PLCL2: variants seen among roughly 807,000 people sequenced by gnomAD.
PLCL2 encodes inactive phospholipase C-like protein 2.
In PLCL2, 4 loss-of-function variants were observed where a neutral mutation model predicts 79.6. The observed-to-expected ratio is 0.05, with a 90% CI of 0.02 to 0.11. The LOEUF (loss-of-function observed/expected upper bound fraction) is 0.11. PLCL2 is among the 10% of genes least tolerant of loss of function. The pLI is 1.00. For synonymous variants in PLCL2, 484 were observed against 457.7 expected (o/e 1.06, Z -0.73); for missense variants, 895 against 1,291.0 (o/e 0.69, Z 4.70).
At chr3:17,046,692 A>C (rs1243267635) in intron 4 of PLCL2, among the ~76,000 whole-genome samples, 1 of 152,212 alleles carries the variant, frequency 6.6e-6, no homozygotes, top group East Asian at 1.9e-4. Flanking sequence ...CGGGAGCAAC[A>C]AAATTCTAGA....
intron 1 of PLCL2, among the ~76,000 whole-genome samples, chr3:16,963,743 C>A (rs563895462): frequency 1.9e-4 from 29 of 152,122 alleles, no homozygotes; most frequent in Middle Eastern, 3.4e-3. Flanking sequence ...ATTATTATCA[C>A]CATTGTACAA....
intron 1 of PLCL2, among the ~76,000 whole-genome samples, chr3:16,963,146 A>C (rs2063771903): frequency 6.6e-6 from 1 of 152,086 alleles, no homozygotes; most frequent in Non-Finnish European, 1.5e-5. Context: ...AAATACTATT[A>C]ATTTGCAATA....
chr3:16,890,528 A>T (rs1453435018), intron 1 of PLCL2, among the ~76,000 whole-genome samples: 1 of 152,238 alleles, frequency 6.6e-6, no homozygotes, highest in Non-Finnish European at 1.5e-5. Context: ...TGAAGTATGA[A>T]CATTTATAGT....
intron 1 of PLCL2, among the ~76,000 whole-genome samples, chr3:17,001,335 GTTGA>G (rs765559011): frequency 2.6e-5 from 4 of 151,810 alleles, no homozygotes; most frequent in Non-Finnish European, 5.9e-5. Flanking sequence ...TTTTCACTCT[GTTGA>G]TTGTTTCTTT....
intron 3 of PLCL2, among the ~76,000 whole-genome samples, chr3:17,039,249 G>A (rs2064692660): frequency 6.6e-6 from 1 of 152,202 alleles, no homozygotes; most frequent in Non-Finnish European, 1.5e-5. Flanking sequence ...TGCATCCTCA[G>A]TGCCATGTGC....
At chr3:16,957,989 C>T (rs1188339923) in intron 1 of PLCL2, among the ~76,000 whole-genome samples, 1 of 152,134 alleles carries the variant, frequency 6.6e-6, no homozygotes, top group Non-Finnish European at 1.5e-5. Context: ...TCCAATTTGC[C>T]AGTCTGTGTC....
chr3:16,943,901 A>C (rs2063578232), intron 1 of PLCL2, among the ~76,000 whole-genome samples: 1 of 152,142 alleles, frequency 6.6e-6, no homozygotes, highest in Admixed American at 6.5e-5. Flanking sequence ...ATCCTTGCTT[A>C]CTTCTGTGAA....
chr3:16,910,544 G>T (rs1465774024), intron 1 of PLCL2, among the ~76,000 whole-genome samples: 2 of 151,932 alleles, frequency 1.3e-5, no homozygotes, highest in Admixed American at 1.3e-4. Flanking sequence ...CTGTTTGCTT[G>T]CAGCATTGGA....
At chr3:16,986,808 C>T (rs868271799) in intron 1 of PLCL2, among the ~76,000 whole-genome samples, 2 of 152,182 alleles carry the variant, frequency 1.3e-5, no homozygotes, top group Middle Eastern at 6.8e-3. Context: ...AAAGAGAGAC[C>T]TATTAGAGAA....
At chr3:17,085,422 C>G (rs1399954168) in intron 5 of PLCL2, among the ~76,000 whole-genome samples, 1 of 149,732 alleles carries the variant, frequency 6.7e-6, no homozygotes, top group Non-Finnish European at 1.5e-5. Context: ...CCACCACACC[C>G]AGCCAATTTA....
chr3:17,035,989 C>T lies in PLCL2; in HGVS notation c.3019-6885C>T, dbSNP rs879211423. Among the ~76,000 whole-genome samples the T allele has an allele frequency of 6.6e-5, 10 of 151,990 alleles. No homozygotes were observed. The South Asian group carries it at 1.0e-3, about 16-fold the overall frequency. On this transcript the variant is annotated intron_variant, in intron 3 of 5. Transcript: ENST00000615277. ...AGGGTTTTTTCCCCCCTATAATTTGCGTAGTGGAAGATGTGGTAGTGGAAA... is the reference window on the plus strand; with the variant it reads ...AGGGTTTTTTCCCCCCTATAATTTGTGTAGTGGAAGATGTGGTAGTGGAAA...
At chr3:17,051,224 T>G (rs1321242627) in intron 4 of PLCL2, among the ~76,000 whole-genome samples, 1 of 152,032 alleles carries the variant, frequency 6.6e-6, no homozygotes, top group Non-Finnish European at 1.5e-5. Context: ...GAAGAACGAG[T>G]AAGACCTAGT....
At chr3:16,952,051 G>A (rs1462896552) in intron 1 of PLCL2, among the ~76,000 whole-genome samples, 2 of 151,896 alleles carry the variant, frequency 1.3e-5, no homozygotes, top group African/African-American at 2.4e-5. Flanking sequence ...AGAAACCTGA[G>A]GACTTACAAA....
intron 1 of PLCL2, among the ~76,000 whole-genome samples, chr3:16,928,676 G>A (rs1697315091): frequency 6.6e-6 from 1 of 152,228 alleles, no homozygotes; most frequent in African/African-American, 2.4e-5. Flanking sequence ...GTCACCTGTT[G>A]TATTACTTTG....
rs568463989 is a variant in PLCL2, at chr3:17,052,133, C to T, written c.3094+9184C>T. ...CTACAGAAAAATCCATGAAAGTCAT[C>T]GAGTCCAAAACAATAAATTCCTGCT... On this transcript the variant is annotated intron_variant, in intron 4 of 5. Transcript: ENST00000615277. 5.3e-4 allele frequency among the ~76,000 whole-genome samples: 80 copies of T among 150,768 alleles called. 1 individual carries two copies. Among genetic ancestry groups the T allele is most frequent in the Admixed American group, 4.7e-3 (71 of 15,046 alleles).
chr3:16,910,393 C>T (rs964783073), intron 1 of PLCL2, among the ~76,000 whole-genome samples: 1 of 152,046 alleles, frequency 6.6e-6, no homozygotes, highest in Non-Finnish European at 1.5e-5. Flanking sequence ...TTACTTCACC[C>T]GTCAGTAGTG....
chr3:17,087,495 G>T (rs2065232657), intron 5 of PLCL2, among the ~76,000 whole-genome samples: 1 of 152,234 alleles, frequency 6.6e-6, no homozygotes, highest in Admixed American at 6.5e-5. Flanking sequence ...GTTGCCAGGG[G>T]TTGGGAGTGG....
At chr3:17,086,480 C>T (rs1206027787) in intron 5 of PLCL2, among the ~76,000 whole-genome samples, 1 of 152,176 alleles carries the variant, frequency 6.6e-6, no homozygotes, top group Non-Finnish European at 1.5e-5. Flanking sequence ...CTATAGAATT[C>T]CTAGAAGATA....
chr3:17,006,290 A>G (rs1488254812), intron 1 of PLCL2, among the ~76,000 whole-genome samples: 1 of 152,214 alleles, frequency 6.6e-6, no homozygotes. Flanking sequence ...TCCAGGAATT[A>G]GGCAATTTGG....
Sources: gnomAD v4.1 joint callset for allele counts (sites outside exome capture counted in the v4.1 genomes callset) on GRCh38, gnomAD v4.1.1 for gene constraint, MANE v1.5 for transcripts, NCBI Gene and HGNC (gene_info 2026-07-23, HGNC 2026-07-21) for gene names.